The following UGT1A9 variants were observed in gnomAD, a reference collection of about 807,000 sequenced individuals.
The protein encoded by UGT1A9 is UDP glucuronosyltransferase family 1 member A9.
In UGT1A9, 35 loss-of-function variants were observed where a neutral mutation model predicts 45.0. That is an observed-to-expected ratio of 0.78 (90% CI 0.59 to 1.03). The LOEUF is 1.03. Among genes scored for constraint, UGT1A9 ranks in the 50% least tolerant of loss-of-function variants. UGT1A9 has a pLI of 0.00. For missense variants in UGT1A9, 687 were observed against 666.6 expected (o/e 1.03, Z -0.34); for synonymous variants, 278 against 250.6 (o/e 1.11, Z -1.03).
chr2:233,718,206 A>G (rs2076639906), intron 1 of UGT1A9, among the ~76,000 whole-genome samples: 1 of 152,138 alleles, frequency 6.6e-6, no homozygotes, highest in Non-Finnish European at 1.5e-5. Context: ...GCTTTTTTTT[A>G]TATTGACAGC....
chr2:233,693,285 T>C, intron 1 of UGT1A9: 1 of 1,614,168 alleles, frequency 6.2e-7, no homozygotes, highest in Non-Finnish European at 8.5e-7. Context: ...TACCAATCAT[T>C]TGGAAACAAT....
chr2:233,741,488 C>CA (rs1484608191), intron 1 of UGT1A9: 1 of 151,842 alleles, frequency 6.6e-6, no homozygotes, highest in Non-Finnish European at 1.5e-5. Context: ...GTCTGATGTA[C>CA]AAAAAACTGA....
At chr2:233,745,969 A>C (rs939174435) in intron 1 of UGT1A9, among the ~76,000 whole-genome samples, 8 of 151,718 alleles carry the variant, frequency 5.3e-5, no homozygotes, top group Non-Finnish European at 1.0e-4. Context: ...AGGGGCCCTG[A>C]AATGGGACCA....
In UGT1A9 at chr2:233,767,120, G is replaced by A; in HGVS notation, c.942G>A (p.Lys314=). The A allele has an allele frequency of 1.2e-6, 2 of 1,614,156 alleles. No individual in the cohort carries two copies. The highest frequency in any genetic ancestry group is 1.7e-6 in the Non-Finnish European group (2 of 1,180,028). ...CAATGGTCTCAGAAATTCCAGAGAA[G>A]AAAGCTATGGCAATTGCTGATGCTT... ...LGSMVSEIPE[K]KAMAIADALG... The change falls in exon 2 of 5, where the codon AAG becomes AAA. Residue 314 remains lysine, a synonymous_variant. Transcript: ENST00000354728.
intron 1 of UGT1A9, among the ~76,000 whole-genome samples, chr2:233,752,809 C>T (rs1695067711): frequency 6.6e-6 from 1 of 152,224 alleles, no homozygotes. Flanking sequence ...AGAAGGAACA[C>T]TTCCCATTTA....
rs777889736 is a variant in UGT1A9, at chr2:233,719,093, C to T, written c.855+46304C>T. On this transcript the variant is annotated intron_variant, in intron 1 of 4. Transcript: ENST00000354728. ...CATGGACCCAGAAGGAATTTGATCGCGTTACGCTGGGCTACACTCAAGGGT... is the reference window on the plus strand; with the variant it reads ...CATGGACCCAGAAGGAATTTGATCGTGTTACGCTGGGCTACACTCAAGGGT... 15 of 1,614,122 alleles carry T rather than the reference C, an allele frequency of 9.3e-6. No homozygotes were observed. The Admixed American group carries it at 1.0e-4, about 11-fold the overall frequency.
intron 1 of UGT1A9, among the ~76,000 whole-genome samples, chr2:233,707,311 A>G (rs2075954377): frequency 1.3e-5 from 2 of 152,116 alleles, no homozygotes; most frequent in Non-Finnish European, 2.9e-5. Context: ...GGTTTGTTAC[A>G]TAGCTAAACA....
At chr2:233,695,073 G>T (rs1470813496) in intron 1 of UGT1A9, among the ~76,000 whole-genome samples, 1 of 151,628 alleles carries the variant, frequency 6.6e-6, no homozygotes, top group African/African-American at 2.4e-5. Context: ...TCGCACTTTG[G>T]ACTTACTCAT....
chr2:233,691,343 G>A lies in UGT1A9; in HGVS notation c.855+18554G>A, dbSNP rs533406499. 17 of 985,508 alleles carry A rather than the reference G, an allele frequency of 1.7e-5. No individual in the cohort carries two copies. In the East Asian group the frequency reaches 7.9e-4, roughly 46 times the overall value. The allele number at this position is 985,508 out of a possible 1,614,324, so 61.0% of individuals were successfully genotyped here. The stretch of plus-strand genomic sequence containing the variant: ...CCAGCTTGGACTGAGCTGAGTCTTC[G>A]CATGCCTTGAACAATGAATTTGCAT... On this transcript the variant is annotated intron_variant, in intron 1 of 4. Coordinates refer to ENST00000354728, the MANE Select transcript of UGT1A9 (RefSeq NM_021027.3).
chr2:233,706,539 T>G (rs1295467367), intron 1 of UGT1A9, among the ~76,000 whole-genome samples: 2 of 152,120 alleles, frequency 1.3e-5, no homozygotes, highest in Non-Finnish European at 2.9e-5. Context: ...AAACACAGCT[T>G]TTTTTCTAGG....
At position 233,767,254 on chromosome 2, in the gene UGT1A9, G is replaced by A. The variant is rs35359603; in HGVS notation, c.987+89G>A. The A allele has an allele frequency of 2.3e-4, 374 of 1,598,070 alleles. 1 individual carries two copies. In the African/African-American group the frequency reaches 4.6e-3, roughly 20 times the overall value. ...AGCTTCCAGATTAATTCTCTTAATTGGAACCTTAGATTTGGCTTTTCCCTG... is the reference window on the plus strand; with the variant it reads ...AGCTTCCAGATTAATTCTCTTAATTAGAACCTTAGATTTGGCTTTTCCCTG... On this transcript the variant is annotated intron_variant, in intron 2 of 4. Transcript: ENST00000354728.
chr2:233,675,269 C>T (rs1457249152), intron 1 of UGT1A9, among the ~76,000 whole-genome samples: 7 of 152,080 alleles, frequency 4.6e-5, no homozygotes, highest in South Asian at 2.1e-4. Flanking sequence ...TATATCATTC[C>T]GTGTGGTCAT....
At chr2:233,737,511 CCT>C (rs2078889208) in intron 1 of UGT1A9, among the ~76,000 whole-genome samples, 2 of 152,340 alleles carry the variant, frequency 1.3e-5, no homozygotes, top group South Asian at 4.1e-4. Flanking sequence ...TCTTGCACTT[CCT>C]AGGTGAGGCG....
chr2:233,764,590 G>A (rs1263378964), intron 1 of UGT1A9, among the ~76,000 whole-genome samples: 1 of 152,150 alleles, frequency 6.6e-6, no homozygotes, highest in Non-Finnish European at 1.5e-5. Context: ...GCCTTTTCCA[G>A]ATGAGCTTCA....
At chr2:233,696,371 G>A (rs1260182364) in intron 1 of UGT1A9, among the ~76,000 whole-genome samples, 2 of 151,972 alleles carry the variant, frequency 1.3e-5, no homozygotes, top group African/African-American at 4.8e-5. Context: ...TTATTCCTAG[G>A]TATTATATAT....
At chr2:233,757,826 ATGG>A (rs1696730771) in intron 1 of UGT1A9, among the ~76,000 whole-genome samples, 1 of 151,882 alleles carries the variant, frequency 6.6e-6, no homozygotes, top group Non-Finnish European at 1.5e-5. Flanking sequence ...AGTGTGTCTG[ATGG>A]TGGCCTACTA....
In UGT1A9 at chr2:233,768,342, C is replaced by G; in HGVS notation, c.1198C>G (p.Arg400Gly). Residue 400 changes from arginine (R) to glycine (G), a missense_variant, in exon 4 of 5, where the codon CGC becomes GGC. Physicochemically the swap from Arg to Gly is moderately radical, Grantham distance 125. Transcript: ENST00000354728. ...TGGTGATCAGATGGACAATGCAAAG[C>G]GCATGGAGACTAAGGGAGCTGGAGT... ...LFGDQMDNAK[R>G]METKGAGVTL... 6.2e-7 allele frequency: 1 copy of G among 1,614,092 alleles called. No homozygotes were observed. Among genetic ancestry groups the G allele is most frequent in the South Asian group, 1.1e-5 (1 of 91,066 alleles).
At position 233,718,962 on chromosome 2, in the gene UGT1A9, T is replaced by A. The variant is rs2011425; in HGVS notation, c.855+46173T>A. The stretch of plus-strand genomic sequence containing the variant: ...CCCCTGGCTCAGCATGCGGGAGGCC[T>A]TGCGGGAGCTCCATGCCAGAGGCCA... On this transcript the variant is annotated intron_variant, in intron 1 of 4. Coordinates refer to ENST00000354728, the MANE Select transcript of UGT1A9 (RefSeq NM_021027.3). 1.5e-5 allele frequency: 24 copies of A among 1,614,014 alleles called. No individual in the cohort carries two copies. In the South Asian group the frequency reaches 2.6e-4, roughly 18 times the overall value.
In UGT1A9 at chr2:233,766,921, C is replaced by T. The variant is rs6708136; in HGVS notation, c.856-113C>T. 45,255 of 1,558,610 alleles carry T rather than the reference C, an allele frequency of 0.029. 712 individuals are homozygous for T. The highest frequency in any genetic ancestry group is 0.049 in the African/African-American group (3,601 of 72,856). Reference sequence around the variant, plus strand: ...ATAATTTTTTACTCTATCTCAAACACGCATGCCTTTAATCATAGTCTTAAG... The same window carrying T: ...ATAATTTTTTACTCTATCTCAAACATGCATGCCTTTAATCATAGTCTTAAG... On this transcript the variant is annotated intron_variant, in intron 1 of 4. Coordinates refer to ENST00000354728, the MANE Select transcript of UGT1A9 (RefSeq NM_021027.3).
Sources: allele counts gnomAD v4.1 joint callset (sites outside exome capture counted in the v4.1 genomes callset), GRCh38; gene constraint gnomAD v4.1.1; transcripts MANE v1.5; gene names NCBI Gene and HGNC (gene_info 2026-07-23, HGNC 2026-07-21).